The following KDM1B variants were observed in gnomAD, a reference collection of about 807,000 sequenced individuals.
The protein encoded by KDM1B is lysine-specific histone demethylase 2.
KDM1B carries 63 observed loss-of-function variants against 107.4 expected under a neutral mutation model. The ratio of observed to expected loss-of-function variants is 0.59; its 90% confidence interval spans 0.48 to 0.72. The LOEUF (loss-of-function observed/expected upper bound fraction) is 0.72. KDM1B is among the 30% of genes least tolerant of loss of function. The pLI is 0.00. For synonymous variants in KDM1B, 363 were observed against 363.9 expected (o/e 1.00, Z 0.03); for missense variants, 749 against 1,020.8 (o/e 0.73, Z 3.63).
chr6:18,214,756 A>G lies in KDM1B; in HGVS notation c.2110-251A>G, dbSNP rs1367493478. Among the ~76,000 whole-genome samples the G allele has an allele frequency of 6.6e-6, 1 of 152,120 alleles. No individual in the cohort carries two copies. The highest frequency in any genetic ancestry group is 2.4e-5 in the African/African-American group (1 of 41,410). ...GAAACCCTGTCTCTACTAAAAATACAAAAGTTAGCCGGGCATGGTGGCAGA... is the reference window on the plus strand; with the variant it reads ...GAAACCCTGTCTCTACTAAAAATACGAAAGTTAGCCGGGCATGGTGGCAGA... On this transcript the variant is annotated intron_variant, in intron 19 of 21. Transcript: ENST00000650836. The surrounding 1 kb of genome is among the most constrained non-coding windows in gnomAD (Gnocchi z 4.4).
At position 18,213,285 on chromosome 6, in the gene KDM1B, A is replaced by G. The variant is rs1788986889; in HGVS notation, c.1984-371A>G. On this transcript the variant is annotated intron_variant, in intron 18 of 21. Transcript: ENST00000650836. This position sits in a 1 kb window ranked among gnomAD's most constrained non-coding sequence, Gnocchi z 5.9. ...AACCTCATCTCTACTAAAAATACAA[A>G]ATTCGCTGGGCGTGGTGGTGTGCAC... 6.6e-6 allele frequency among the ~76,000 whole-genome samples: 1 copy of G among 151,966 alleles called. No individual in the cohort carries two copies. The highest frequency in any genetic ancestry group is 1.5e-5 in the Non-Finnish European group (1 of 67,982).
rs987061195 is a variant in KDM1B at position 18,214,836 on chromosome 6, G to C, written c.2110-171G>C. Among the ~76,000 whole-genome samples the C allele has an allele frequency of 3.9e-5, 6 of 152,170 alleles. No homozygotes were observed. Among genetic ancestry groups the C allele is most frequent in the African/African-American group, 1.4e-4 (6 of 41,440 alleles). On this transcript the variant is annotated intron_variant, in intron 19 of 21. Coordinates refer to ENST00000650836, the MANE Select transcript of KDM1B (RefSeq NM_001364614.2). This position sits in a 1 kb window ranked among gnomAD's most constrained non-coding sequence, Gnocchi z 4.4. ...GAGGCAGGAGAATCACTTGAACCTG[G>C]GAGGCAGAGGTTGCAGTGAGCCAAG...
At position 18,209,438 on chromosome 6, in the gene KDM1B, G is replaced by A. The variant is rs528273634; in HGVS notation, c.1866+1232G>A. Among the ~76,000 whole-genome samples the A allele has an allele frequency of 9.7e-4, 147 of 152,276 alleles. No individual in the cohort carries two copies. The highest frequency in any genetic ancestry group is 3.4e-3 in the Middle Eastern group (1 of 294). On this transcript the variant is annotated intron_variant, in intron 17 of 21. Coordinates refer to ENST00000650836, the MANE Select transcript of KDM1B (RefSeq NM_001364614.2). The surrounding 1 kb of genome is among the most constrained non-coding windows in gnomAD (Gnocchi z 4.3). ...GTCACATGGGAAAGACAGGTCTAGG[G>A]AATGAGTTAGTCGGGGCAGGGGATC...
Position 18,207,490 on chromosome 6 carries a change from A to C in KDM1B, c.1752A>C (p.Glu584Asp), listed in dbSNP as rs879944837. ...LLTPGYSVII[E>D]KLAEGLDIQL... is the part of the protein sequence containing the mutation. ...CTCCCGGGTACTCGGTGATAATTGA[A>C]AAACTGGCAGAAGGGCTTGACATTC... Residue 584 changes from glutamate to aspartate, a missense_variant, in exon 16 of 22, where the codon GAA (glutamate) becomes GAC (aspartate). Transcript: ENST00000650836. 1.4e-5 allele frequency: 23 copies of C among 1,614,248 alleles called. No homozygotes were observed. The highest frequency in any genetic ancestry group is 1.6e-5 in the Non-Finnish European group (19 of 1,180,050).
At chr6:18,167,873 C>T (rs1014190017) in intron 6 of KDM1B, among the ~76,000 whole-genome samples, 30 of 152,096 alleles carry the variant, frequency 2.0e-4, no homozygotes, top group African/African-American at 7.2e-4. Context: ...AGTGATCCTC[C>T]CACCTCAGCC....
chr6:18,206,236 C>T (rs796117331), intron 15 of KDM1B, among the ~76,000 whole-genome samples: 2 of 151,552 alleles, frequency 1.3e-5, no homozygotes, highest in African/African-American at 4.8e-5. Context: ...AAGGAAGAGG[C>T]TGGGTGCAGT....
intron 17 of KDM1B, among the ~76,000 whole-genome samples, chr6:18,210,330 T>TC (rs35692335): frequency 0.2 from 26,784 of 132,824 alleles, 3,278 homozygotes; most frequent in East Asian, 0.35. Flanking sequence ...TTCTTTTTTT[T>TC]CTCTTTCTTT....
intron 10 of KDM1B, among the ~76,000 whole-genome samples, chr6:18,195,355 A>C (rs1787572880): frequency 6.6e-6 from 1 of 152,228 alleles, no homozygotes; most frequent in Non-Finnish European, 1.5e-5. Flanking sequence ...AAAAGTTTCA[A>C]ACATTAATTG....
intron 7 of KDM1B, among the ~76,000 whole-genome samples, chr6:18,174,797 C>G (rs1347206448): frequency 1.3e-5 from 2 of 152,120 alleles, no homozygotes; most frequent in Non-Finnish European, 2.9e-5. Context: ...TAATTCATTC[C>G]TTTTCATGGC....
intron 17 of KDM1B, among the ~76,000 whole-genome samples, chr6:18,210,261 T>C (rs1303956317): frequency 6.6e-6 from 1 of 151,984 alleles, no homozygotes; most frequent in Non-Finnish European, 1.5e-5. Context: ...CATCTCGCTT[T>C]TATTACTTAC....
chr6:18,197,002 T>G lies in KDM1B; in HGVS notation c.970-55T>G. The stretch of plus-strand genomic sequence containing the variant: ...AAATGGATTGTTTTCCTGCTATTGT[T>G]TGAATTTCTTGGGACTTTTTTAAAA... On this transcript the variant is annotated intron_variant, in intron 10 of 21. Coordinates refer to ENST00000650836, the MANE Select transcript of KDM1B (RefSeq NM_001364614.2). This position sits in a 1 kb window ranked among gnomAD's most constrained non-coding sequence, Gnocchi z 4.5. 1 of 1,468,206 alleles carries G rather than the reference T, an allele frequency of 6.8e-7. No homozygotes were observed. The highest frequency in any genetic ancestry group is 9.4e-7 in the Non-Finnish European group (1 of 1,063,850). The allele number at this position is 1,468,206 out of a possible 1,614,324, so 90.9% of individuals were successfully genotyped here.
At chr6:18,202,846 G>GT (rs1309460923) in intron 14 of KDM1B, among the ~76,000 whole-genome samples, 1 of 152,118 alleles carries the variant, frequency 6.6e-6, no homozygotes, top group African/African-American at 2.4e-5. Flanking sequence ...ATCGTCCTTA[G>GT]TAAGTTTTGA....
intron 3 of KDM1B, among the ~76,000 whole-genome samples, chr6:18,161,113 T>G (rs905391709): frequency 6.6e-6 from 1 of 152,170 alleles, no homozygotes; most frequent in Admixed American, 6.6e-5. Context: ...TAGACATCTG[T>G]TGTTAAAATG....
intron 7 of KDM1B, among the ~76,000 whole-genome samples, chr6:18,184,422 G>C (rs975846073): frequency 6.6e-6 from 1 of 151,442 alleles, no homozygotes; most frequent in South Asian, 2.1e-4. Context: ...TTACAGGTGC[G>C]CACCACCATG....
At chr6:18,208,073 A>G (rs1582195710) in intron 16 of KDM1B, 59 bp from the exon 17 acceptor site, 1 of 1,218,910 alleles carries the variant, frequency 8.2e-7, no homozygotes, top group East Asian at 2.3e-5. Context: ...AGAATCGGAA[A>G]GGATCCTGGA....
intron 4 of KDM1B, among the ~76,000 whole-genome samples, chr6:18,161,814 G>C (rs79643263): frequency 6.6e-6 from 1 of 151,992 alleles, no homozygotes; most frequent in Non-Finnish European, 1.5e-5. Flanking sequence ...TTTACTTTTC[G>C]TTGTGTTTTT....
At position 18,187,000 on chromosome 6, in the gene KDM1B, A is replaced by ACACACAT. The variant is rs199999923; in HGVS notation, c.574-792_574-791insCACACAT. Among the ~76,000 whole-genome samples the ACACACAT allele has an allele frequency of 6.9e-6, 1 of 145,282 alleles. No individual in the cohort carries two copies. Among genetic ancestry groups the ACACACAT allele is most frequent in the South Asian group, 2.2e-4 (1 of 4,490 alleles). The stretch of plus-strand genomic sequence containing the variant: ...CACACACACACACACACACACACAC[A>ACACACAT]TTTTTTTTCCAGGCTCCAGAATAGA... On this transcript the variant is annotated intron_variant, in intron 8 of 21. Transcript: ENST00000650836. The surrounding 1 kb of genome is among the most constrained non-coding windows in gnomAD (Gnocchi z 5.6).
At position 18,204,000 on chromosome 6, in the gene KDM1B, A is replaced by G. The variant is rs900130379; in HGVS notation, c.1532-1537A>G. 6.6e-6 allele frequency among the ~76,000 whole-genome samples: 1 copy of G among 152,180 alleles called. No individual in the cohort carries two copies. Among genetic ancestry groups the G allele is most frequent in the Non-Finnish European group, 1.5e-5 (1 of 68,030 alleles). On this transcript the variant is annotated intron_variant, in intron 14 of 21. Coordinates refer to ENST00000650836, the MANE Select transcript of KDM1B (RefSeq NM_001364614.2). This position sits in a 1 kb window ranked among gnomAD's most constrained non-coding sequence, Gnocchi z 5.5. ...AGGAAGCGGGGATGGGACTTCTACA[A>G]AAGTCACAGAAAGTGGCACAAAGCC...
intron 6 of KDM1B, among the ~76,000 whole-genome samples, chr6:18,168,322 A>G (rs1422443168): frequency 3.9e-5 from 6 of 152,160 alleles, no homozygotes; most frequent in East Asian, 1.9e-4. Context: ...TTATGGATTT[A>G]TCTATTTTGG....
Sources: gnomAD v4.1 joint callset for allele counts (sites outside exome capture counted in the v4.1 genomes callset) on GRCh38, gnomAD v4.1.1 for gene constraint, Gnocchi (gnomAD v3.1) non-coding constraint, MANE v1.5 for transcripts, NCBI Gene and HGNC (gene_info 2026-07-23, HGNC 2026-07-21) for gene names.